Variants in GRIN2D observed in about 807,000 individuals in gnomAD.
The protein encoded by GRIN2D is glutamate ionotropic receptor NMDA type subunit 2D.
In GRIN2D, 37 loss-of-function variants were observed where a neutral mutation model predicts 103.2. The observed-to-expected ratio is 0.36, with a 90% CI of 0.28 to 0.47. The LOEUF is 0.47. Ranked by LOEUF, GRIN2D falls within the 20% of genes least tolerant of loss-of-function variation. The probability of loss-of-function intolerance (pLI) is 1.00; values close to 1 mark genes in which losing one functional copy is unlikely to be tolerated. For synonymous variants in GRIN2D, 845 were observed against 885.6 expected, an observed-to-expected ratio of 0.95 and a Z score of 0.81; for missense variants, 1,557 against 1,910.6, an observed-to-expected ratio of 0.81 and a Z score of 3.45.
At chr19:48,415,188 C>T (rs1386180958) in intron 7 of GRIN2D, among the ~76,000 whole-genome samples, 156 bp downstream of exon 7, 1 of 152,018 alleles carries the variant, frequency 6.6e-6, no homozygotes, top group East Asian at 1.9e-4. Context: ...TTGGGCAAAA[C>T]GGTGAAACCC....
At chr19:48,412,770 C>G (rs1970890398) in intron 4 of GRIN2D, among the ~76,000 whole-genome samples, 1 of 141,846 alleles carries the variant, frequency 7.0e-6, no homozygotes, top group Non-Finnish European at 1.5e-5. Context: ...GCCTGGGCAA[C>G]AAGAGCAAAA....
chr19:48,405,457 G>A lies in GRIN2D; in HGVS notation c.1085+104G>A, dbSNP rs183463393. On this transcript the variant is annotated intron_variant, in intron 4 of 13. Coordinates refer to ENST00000263269, the MANE Select transcript of GRIN2D (RefSeq NM_000836.4). This position sits in a 1 kb window ranked among gnomAD's most constrained non-coding sequence, Gnocchi z 5.1. ...CAAATGGGCCACATCTGCTCTTTGA[G>A]CCTCAGTTTTCTTTTCTGTAAAGTG... The A allele has an allele frequency of 2.8e-5, 33 of 1,194,878 alleles. No homozygotes were observed. In the East Asian group the frequency reaches 8.4e-4, roughly 30 times the overall value. 74.0% of individuals were successfully genotyped at this position (1,194,878 alleles called of 1,614,324 possible).
Position 48,421,321 on chromosome 19 carries a change from G to A in GRIN2D, c.2092-464G>A, listed in dbSNP as rs1235053385. 2.0e-5 allele frequency among the ~76,000 whole-genome samples: 3 copies of A among 152,132 alleles called. No individual in the cohort carries two copies. Among genetic ancestry groups the A allele is most frequent in the African/African-American group, 4.8e-5 (2 of 41,506 alleles). ...TATGTGCCTGTAATCCCAGCTACTCGGGAGGCTGAGGCAGGAGAATCAGTT... is the reference window on the plus strand; with the variant it reads ...TATGTGCCTGTAATCCCAGCTACTCAGGAGGCTGAGGCAGGAGAATCAGTT... On this transcript the variant is annotated intron_variant, in intron 10 of 13. Transcript: ENST00000263269. The surrounding 1 kb of genome is among the most constrained non-coding windows in gnomAD (Gnocchi z 4.8).
chr19:48,419,838 C>T (rs1970996883), intron 10 of GRIN2D, 24 bp downstream of exon 10: 3 of 1,467,274 alleles, frequency 2.0e-6, no homozygotes, highest in Non-Finnish European at 2.8e-6. Context: ...CAGGGCTGGG[C>T]TGGAGCTGGG....
At chr19:48,426,816 C>T (rs979886698) in intron 11 of GRIN2D, among the ~76,000 whole-genome samples, 11 of 151,754 alleles carry the variant, frequency 7.2e-5, no homozygotes, top group Non-Finnish European at 1.6e-4. Flanking sequence ...AATTCCTGAC[C>T]TCAAGTGATC....
At chr19:48,429,976 T>G (rs1247091471) in intron 11 of GRIN2D, among the ~76,000 whole-genome samples, 2 of 152,166 alleles carry the variant, frequency 1.3e-5, no homozygotes, top group African/African-American at 4.8e-5. Flanking sequence ...CTAAATACCA[T>G]GTTTGCATGA....
chr19:48,432,372 C>T (rs1226032873), intron 11 of GRIN2D, among the ~76,000 whole-genome samples: 3 of 151,826 alleles, frequency 2.0e-5, no homozygotes, highest in Non-Finnish European at 4.4e-5. Context: ...GTTTCCGTTG[C>T]TGGGTCTTTC....
At position 48,442,653 on chromosome 19, in the gene GRIN2D, G is replaced by A. The variant is rs1415011485; in HGVS notation, c.2727G>A (p.Pro909=). ...AEAAPPPAKP[P]PPPQPLPSPA... ...CCGCCCCACCGCCCGCCAAGCCCCC[G>A]CCGCCGCCACAGCCCCTGCCCAGCC... Residue 909 remains proline (P), a synonymous_variant, in exon 14 of 14, where the codon CCG becomes CCA. Transcript: ENST00000263269. The surrounding 1 kb of genome is among the most constrained non-coding windows in gnomAD (Gnocchi z 7.2). 1 of 1,419,004 alleles carries A rather than the reference G, an allele frequency of 7.0e-7. No homozygotes were observed. Among genetic ancestry groups the A allele is most frequent in the Admixed American group, 2.2e-5 (1 of 44,896 alleles). The allele number at this position is 1,419,004 out of a possible 1,614,324, so 87.9% of individuals were successfully genotyped here.
rs931356410 is a variant in GRIN2D at position 48,393,917 on chromosome 19, G to T, written c.-306+49G>T. On this transcript the variant is annotated intron_variant, in intron 1 of 13. Coordinates refer to ENST00000263269, the MANE Select transcript of GRIN2D (RefSeq NM_000836.4). This position sits in a 1 kb window ranked among gnomAD's most constrained non-coding sequence, Gnocchi z 5.6. ...TCTGGGGCTGGCTGGTGGAGGGGGG[G>T]TGTGTCTGTAAGCGCTGCGGCGGCG... Among the ~76,000 whole-genome samples, 9 of 152,156 alleles carry T rather than the reference G, an allele frequency of 5.9e-5. No homozygotes were observed. Among genetic ancestry groups the T allele is most frequent in the South Asian group, 4.2e-4 (2 of 4,808 alleles).
chr19:48,398,947 T>A, intron 3 of GRIN2D, 90 bp downstream of exon 3: 1 of 1,056,798 alleles, frequency 9.5e-7, no homozygotes, highest in Non-Finnish European at 1.2e-6. Flanking sequence ...GGGCGGGGCC[T>A]AGAGGGGGCG....
chr19:48,441,689 T>C, intron 11 of GRIN2D, 80 bp from the exon 12 acceptor site: 4 of 1,153,812 alleles, frequency 3.5e-6, no homozygotes, highest in Non-Finnish European at 5.0e-6. Context: ...AGTTGGAGGT[T>C]ACAGGTGAGG....
At chr19:48,396,784 GCTGT>G (rs1217479438) in intron 2 of GRIN2D, among the ~76,000 whole-genome samples, 2 of 152,040 alleles carry the variant, frequency 1.3e-5, no homozygotes, top group Non-Finnish European at 2.9e-5. Context: ...CCCCGCCCTG[GCTGT>G]CTGTGGGGTG....
intron 3 of GRIN2D, among the ~76,000 whole-genome samples, chr19:48,403,189 A>C (rs907075381): frequency 7.2e-6 from 1 of 137,942 alleles, no homozygotes; most frequent in South Asian, 2.3e-4. Context: ...ACAGAGGAAG[A>C]CTCTGTCTCA....
At chr19:48,441,702 G>T in intron 11 of GRIN2D, 67 bp from the exon 12 acceptor site, 1 of 1,358,918 alleles carries the variant, frequency 7.4e-7, no homozygotes, top group Non-Finnish European at 1.0e-6. Context: ...AGGTGAGGAG[G>T]TTCCAGGCCT....
rs1478485084 is a variant in GRIN2D at position 48,442,595 on chromosome 19, C to T, written c.2674-5C>T. 13 of 1,503,784 alleles carry T rather than the reference C, an allele frequency of 8.6e-6. No individual in the cohort carries two copies. The highest frequency in any genetic ancestry group is 1.4e-5 in the African/African-American group (1 of 72,150). 93.2% of individuals were successfully genotyped at this position (1,503,784 alleles called of 1,614,324 possible). ...CTGACCCCCGTCCTGTCCCCGGACC[C>T]GCAGGGCATGTACAGCTGCTGCAGC... On this transcript the variant is annotated splice_region_variant and splice_polypyrimidine_tract_variant and intron_variant, in intron 13 of 13. Transcript: ENST00000263269. The surrounding 1 kb of genome is among the most constrained non-coding windows in gnomAD (Gnocchi z 7.2).
intron 3 of GRIN2D, among the ~76,000 whole-genome samples, chr19:48,401,015 C>G (rs865797955): frequency 6.7e-6 from 1 of 150,032 alleles, no homozygotes. Flanking sequence ...TGCAGTGAGC[C>G]GAGATTGCAG....
chr19:48,443,946 CG>C lies in GRIN2D; in HGVS notation c.*14del. 22 of 1,390,848 alleles carry C rather than the reference CG, an allele frequency of 1.6e-5. No individual in the cohort carries two copies. The highest frequency in any genetic ancestry group is 4.5e-5 in the South Asian group (3 of 67,002). The allele number at this position is 1,390,848 out of a possible 1,614,324, so 86.2% of individuals were successfully genotyped here. ...TCGAGTCCGAGGTATGACGCGGCCC[CG>C]GGGGCCCCACCGCCCCCTTGGTCAG... On this transcript the variant is annotated 3_prime_UTR_variant, in exon 14 of 14. Coordinates refer to ENST00000263269, the MANE Select transcript of GRIN2D (RefSeq NM_000836.4). This position sits in a 1 kb window ranked among gnomAD's most constrained non-coding sequence, Gnocchi z 8.9.
chr19:48,407,523 C>G (rs1970806943), intron 4 of GRIN2D, among the ~76,000 whole-genome samples: 1 of 152,170 alleles, frequency 6.6e-6, no homozygotes, highest in Non-Finnish European at 1.5e-5. Flanking sequence ...CCAGGTTGCA[C>G]AAGTCACAAG....
In GRIN2D at chr19:48,414,229, C is replaced by T; in HGVS notation, c.1200+124C>T. 1 of 895,298 alleles carries T rather than the reference C, an allele frequency of 1.1e-6. No homozygotes were observed. 55.5% of individuals were successfully genotyped at this position (895,298 alleles called of 1,614,324 possible). A position where few individuals can be genotyped will look rare whatever the true frequency, so the allele number is the denominator to read the frequency against. ...GACAAGGAGCCTGGACTCCTGGGTC[C>T]TGGGATCTGAAGGTGGGAGGGGCTC... On this transcript the variant is annotated intron_variant, in intron 5 of 13. Transcript: ENST00000263269. The surrounding 1 kb of genome is among the most constrained non-coding windows in gnomAD (Gnocchi z 4.6).
Sources: gnomAD v4.1 joint callset for allele counts (sites outside exome capture counted in the v4.1 genomes callset) on GRCh38, gnomAD v4.1.1 for gene constraint, Gnocchi (gnomAD v3.1) non-coding constraint, MANE v1.5 for transcripts, NCBI Gene and HGNC (gene_info 2026-07-23, HGNC 2026-07-21) for gene names.